GRID2: variants seen among roughly 807,000 people sequenced by gnomAD.
GRID2 encodes glutamate ionotropic receptor delta type subunit 2, also known as glutamate receptor ionotropic, delta-2.
GRID2 carries 33 observed loss-of-function variants against 114.8 expected under a neutral mutation model. The ratio of observed to expected loss-of-function variants is 0.29; its 90% CI spans 0.22 to 0.38. The LOEUF (loss-of-function observed/expected upper bound fraction) is 0.38. Ranked by LOEUF, GRID2 falls within the 10% of genes least tolerant of loss-of-function variation. The pLI is 1.00. For synonymous variants in GRID2, 505 were observed against 449.9 expected, an observed-to-expected ratio of 1.12 and a Z score of -1.55; for missense variants, 1,184 against 1,257.7, an observed-to-expected ratio of 0.94 and a Z score of 0.89.
chr4:93,463,031 T>C (rs1358142825), intron 11 of GRID2, among the ~76,000 whole-genome samples: 1 of 152,168 alleles, frequency 6.6e-6, no homozygotes, highest in East Asian at 1.9e-4. Flanking sequence ...TTATTTAGGC[T>C]CAAACAACAT....
chr4:93,030,280 T>C (rs1359906610), intron 2 of GRID2, among the ~76,000 whole-genome samples: 1 of 152,186 alleles, frequency 6.6e-6, no homozygotes, highest in Non-Finnish European at 1.5e-5. Flanking sequence ...TTCCTTTCTG[T>C]CTTCCTAAAA....
At chr4:92,682,594 A>G (rs1733702374) in intron 2 of GRID2, among the ~76,000 whole-genome samples, 1 of 151,864 alleles carries the variant, frequency 6.6e-6, no homozygotes, top group Non-Finnish European at 1.5e-5. Context: ...TTGGTGAACG[A>G]TTTCTTTCTG....
chr4:93,437,290 A>G (rs1311802804), intron 10 of GRID2, among the ~76,000 whole-genome samples: 1 of 152,164 alleles, frequency 6.6e-6, no homozygotes, highest in African/African-American at 2.4e-5. Context: ...TAACTTGCCC[A>G]TAGTCACATA....
intron 4 of GRID2, among the ~76,000 whole-genome samples, chr4:93,177,594 A>C (rs1315462576): frequency 3.9e-5 from 6 of 152,198 alleles, no homozygotes; most frequent in Non-Finnish European, 8.8e-5. Flanking sequence ...CTCTAAATTA[A>C]ATTGTAATAG....
chr4:93,085,447 T>A (rs562156958), intron 3 of GRID2, among the ~76,000 whole-genome samples, 168 bp downstream of exon 3: 34 of 152,302 alleles, frequency 2.2e-4, no homozygotes, highest in African/African-American at 7.5e-4. Context: ...TGTTAATGTA[T>A]TTAAGTCCAA....
chr4:93,450,512 C>A (rs1401510956), intron 10 of GRID2, among the ~76,000 whole-genome samples: 2 of 151,586 alleles, frequency 1.3e-5, no homozygotes, highest in Non-Finnish European at 3.0e-5. Context: ...TAAATTAGAT[C>A]TTTAGTTGTT....
At chr4:92,338,394 G>A (rs1727297119) in intron 1 of GRID2, among the ~76,000 whole-genome samples, 1 of 151,904 alleles carries the variant, frequency 6.6e-6, no homozygotes, top group Admixed American at 6.6e-5. Context: ...GTATAATTTT[G>A]GGTTACTTTT....
Position 93,388,598 on chromosome 4 carries a change from AATC to A in GRID2, c.1246-7006_1246-7004del, listed in dbSNP as rs368697588. On this transcript the variant is annotated intron_variant, in intron 8 of 15. Coordinates refer to ENST00000282020, the MANE Select transcript of GRID2 (RefSeq NM_001510.4). ...GAATTGATGAATATAAATAATAACA[AATC>A]ATGCAAATTCTGGTAGGCCACATCC... Among the ~76,000 whole-genome samples, 42 of 152,332 alleles carry A rather than the reference AATC, an allele frequency of 2.8e-4. No homozygotes were observed. In the East Asian group the frequency reaches 8.1e-3, roughly 29 times the overall value.
intron 11 of GRID2, among the ~76,000 whole-genome samples, chr4:93,477,904 G>C (rs1044584551): frequency 6.6e-6 from 1 of 152,096 alleles, no homozygotes; most frequent in African/African-American, 2.4e-5. Context: ...TCAATTTGCG[G>C]TGGGGAATTA....
intron 2 of GRID2, among the ~76,000 whole-genome samples, chr4:92,900,306 T>C (rs564210978): frequency 2.0e-5 from 3 of 152,278 alleles, no homozygotes; most frequent in African/African-American, 7.2e-5. Context: ...AGTGCAGTTT[T>C]GTTACATGGG....
At chr4:93,002,292 C>T (rs751936066) in intron 2 of GRID2, among the ~76,000 whole-genome samples, 3 of 151,432 alleles carry the variant, frequency 2.0e-5, no homozygotes, top group Non-Finnish European at 4.4e-5. Flanking sequence ...ATCCAATATT[C>T]GATTTTTATT....
chr4:93,653,937 A>T (rs1039197815), intron 14 of GRID2, among the ~76,000 whole-genome samples: 1 of 152,156 alleles, frequency 6.6e-6, no homozygotes. Flanking sequence ...AAATATTAGA[A>T]GGATTTATTT....
intron 8 of GRID2, among the ~76,000 whole-genome samples, chr4:93,359,993 C>G (rs1262104275): frequency 7.0e-6 from 1 of 143,220 alleles, no homozygotes; most frequent in African/African-American, 2.8e-5. Context: ...TTATCTGTTC[C>G]ATATTACCTT....
chr4:92,899,056 T>C (rs1747374955), intron 2 of GRID2, among the ~76,000 whole-genome samples: 1 of 152,132 alleles, frequency 6.6e-6, no homozygotes, highest in African/African-American at 2.4e-5. Flanking sequence ...AACATCAGTA[T>C]ATCTGATAAA....
intron 2 of GRID2, among the ~76,000 whole-genome samples, chr4:92,680,149 A>T (rs945039843): frequency 7.2e-5 from 11 of 152,088 alleles, no homozygotes; most frequent in African/African-American, 2.7e-4. Flanking sequence ...GAGTCTAGCA[A>T]ATTGTGAATG....
chr4:93,735,185 G>T (rs1730817340), intron 14 of GRID2, among the ~76,000 whole-genome samples: 1 of 151,848 alleles, frequency 6.6e-6, no homozygotes, highest in Non-Finnish European at 1.5e-5. Flanking sequence ...GAGAAAAAAT[G>T]TTGTTCTATA....
chr4:93,515,701 A>T lies in GRID2; in HGVS notation c.2193+290A>T, dbSNP rs80263660. On this transcript the variant is annotated intron_variant, in intron 13 of 15. Transcript: ENST00000282020. ...TAAGGACTTAACAAACATGAAGTTT[A>T]AAAAAGTTTTTATAAATCCCATTCC... is the stretch of plus-strand genomic sequence containing the variant. Among the ~76,000 whole-genome samples the T allele has an allele frequency of 8.5e-5, 13 of 152,258 alleles. No individual in the cohort carries two copies. In the East Asian group the frequency reaches 2.3e-3, roughly 27 times the overall value.
chr4:92,826,418 T>A (rs1741704158), intron 2 of GRID2, among the ~76,000 whole-genome samples: 1 of 152,110 alleles, frequency 6.6e-6, no homozygotes, highest in African/African-American at 2.4e-5. Context: ...CTATCTTCCT[T>A]CCTGCTCTAT....
At chr4:92,512,090 C>T (rs75941259) in intron 1 of GRID2, among the ~76,000 whole-genome samples, 2,182 of 151,586 alleles carry the variant, frequency 0.014, 62 homozygotes, top group African/African-American at 0.05. Flanking sequence ...ACTTTACTCA[C>T]TGTGGATACC....
Sources: allele counts gnomAD v4.1 joint callset (sites outside exome capture counted in the v4.1 genomes callset), GRCh38; gene constraint gnomAD v4.1.1; transcripts MANE v1.5; gene names NCBI Gene and HGNC (gene_info 2026-07-23, HGNC 2026-07-21).